Variants in PITPNM2 observed in about 807,000 individuals in gnomAD.
The protein encoded by PITPNM2 is membrane-associated phosphatidylinositol transfer protein 2.
A neutral mutation model predicts 132.2 loss-of-function variants in PITPNM2; 35 were observed. The ratio of observed to expected loss-of-function variants is 0.26; its 90% CI spans 0.20 to 0.35. The LOEUF (loss-of-function observed/expected upper bound fraction) is 0.35. PITPNM2 is among the 10% of genes least tolerant of loss of function. The pLI is 1.00. For missense variants in PITPNM2, 1,332 were observed against 1,912.0 expected (o/e 0.70, Z 5.66); for synonymous variants, 738 against 799.2 (o/e 0.92, Z 1.29).
chr12:123,125,613 G>C (rs111891416), intron 1 of PITPNM2, among the ~76,000 whole-genome samples: 473 of 151,944 alleles, frequency 3.1e-3, no homozygotes, highest in African/African-American at 0.01. Context: ...GGGAGGCCGA[G>C]GGGGGCGGAT....
At position 123,033,506 on chromosome 12, in the gene PITPNM2, C is replaced by T. The variant is rs2040163416; in HGVS notation, c.78+1007G>A. On this transcript the variant is annotated intron_variant, in intron 3 of 25. Transcript: ENST00000320201. ...TCCTAAGCAAGAGTCTCTGGCTCGT[C>T]AAAGGAGCCTGTCATCCTCAAACTC... Among the ~76,000 whole-genome samples the T allele has an allele frequency of 7.2e-5, 11 of 152,212 alleles. No homozygotes were observed. The South Asian group carries it at 2.3e-3, about 32-fold the overall frequency.
chr12:123,025,987 G>T (rs991806165), intron 3 of PITPNM2, among the ~76,000 whole-genome samples: 1 of 152,174 alleles, frequency 6.6e-6, no homozygotes, highest in African/African-American at 2.4e-5. Context: ...GCCAGGCCTT[G>T]AATTCAGACC....
intron 2 of PITPNM2, among the ~76,000 whole-genome samples, chr12:123,069,416 G>GCCC (rs1170757609): frequency 1.3e-5 from 2 of 152,170 alleles, no homozygotes; most frequent in Non-Finnish European, 2.9e-5. Context: ...AATCTCCCCT[G>GCCC]CAGACAGATG....
At position 122,996,554 on chromosome 12, in the gene PITPNM2, G is replaced by T. The variant is rs374549059; in HGVS notation, c.1686C>A (p.Val562=). 33 of 1,612,958 alleles carry T rather than the reference G, an allele frequency of 2.0e-5. No individual in the cohort carries two copies. Among genetic ancestry groups the T allele is most frequent in the Non-Finnish European group, 2.7e-5 (32 of 1,180,022 alleles). The change falls in exon 13 of 26, where the codon GTC becomes GTA. Residue 562 remains valine (V), a synonymous_variant. Coordinates refer to ENST00000320201, the MANE Select transcript of PITPNM2 (RefSeq NM_020845.3). ...GGGCATCAAATGCCAGGATGCCCCC[G>T]ACGCAGTCCCCAATCAGGCAGACCT... ...NGQVCLIGDC[V]GGILAFDALC...
At chr12:123,063,145 G>C (rs1271802245) in intron 2 of PITPNM2, among the ~76,000 whole-genome samples, 1 of 152,244 alleles carries the variant, frequency 6.6e-6, no homozygotes, top group Non-Finnish European at 1.5e-5. Flanking sequence ...GGCAAGGCCT[G>C]TGTTTCCAGG....
At chr12:123,010,914 G>C (rs900005426) in intron 5 of PITPNM2, among the ~76,000 whole-genome samples, 2 of 152,256 alleles carry the variant, frequency 1.3e-5, no homozygotes, top group Non-Finnish European at 2.9e-5. Context: ...CTGAGAGCAG[G>C]GGCAGATGCC....
At chr12:123,084,933 A>C (rs911236739) in intron 2 of PITPNM2, among the ~76,000 whole-genome samples, 3 of 151,334 alleles carry the variant, frequency 2.0e-5, no homozygotes, top group Non-Finnish European at 2.9e-5. Flanking sequence ...CATCCCACAC[A>C]CCCCCCTCCC....
In PITPNM2 at chr12:123,106,460, G is replaced by A. The variant is rs1215769898; in HGVS notation, c.-96+3925C>T. Among the ~76,000 whole-genome samples, 1 of 152,112 alleles carries A rather than the reference G, an allele frequency of 6.6e-6. No homozygotes were observed. Among genetic ancestry groups the A allele is most frequent in the Non-Finnish European group, 1.5e-5 (1 of 68,014 alleles). On this transcript the variant is annotated intron_variant, in intron 2 of 25. Transcript: ENST00000320201. The surrounding 1 kb of genome is among the most constrained non-coding windows in gnomAD (Gnocchi z 4.4). ...AAGTACATTCTCAGGAAGACATGCT[G>A]CATCAGAGCAAACAAGGCAAATGCA...
chr12:123,006,094 G>C (rs2038923353), intron 6 of PITPNM2: 1 of 152,174 alleles, frequency 6.6e-6, no homozygotes, highest in African/African-American at 2.4e-5. Flanking sequence ...CTGGGTAACA[G>C]AGTGGGACCC....
rs1593013653 is a variant in PITPNM2, at chr12:123,099,248, T to C, written c.-96+11137A>G. On this transcript the variant is annotated intron_variant, in intron 2 of 25. Transcript: ENST00000320201. The surrounding 1 kb of genome is among the most constrained non-coding windows in gnomAD (Gnocchi z 4.2). The stretch of plus-strand genomic sequence containing the variant: ...GTCGATTTTGCTGAAAAAAAAAATA[T>C]ATATCTTTTTTTTTAAAGAATGAAA... Among the ~76,000 whole-genome samples, 2 of 152,070 alleles carry C rather than the reference T, an allele frequency of 1.3e-5. No homozygotes were observed. The highest frequency in any genetic ancestry group is 3.9e-4 in the East Asian group (2 of 5,168).
intron 1 of PITPNM2, among the ~76,000 whole-genome samples, chr12:123,143,449 G>C (rs1055132524): frequency 6.6e-6 from 1 of 152,160 alleles, no homozygotes; most frequent in Non-Finnish European, 1.5e-5. Flanking sequence ...CTCTGCAGAG[G>C]AGAAACAGTA....
Position 123,086,113 on chromosome 12 carries a change from C to T in PITPNM2, c.-96+24272G>A, listed in dbSNP as rs151151782. On this transcript the variant is annotated intron_variant, in intron 2 of 25. Transcript: ENST00000320201. ...TCACAGGGAGGTCCTCTCTGACCAT[C>T]TACAGTTAGAAAAATACCGGGAAGG... 1.6e-4 allele frequency among the ~76,000 whole-genome samples: 24 copies of T among 152,346 alleles called. No homozygotes were observed. In the East Asian group the frequency reaches 4.6e-3, roughly 29 times the overall value.
At position 123,013,947 on chromosome 12, in the gene PITPNM2, G is replaced by A. The variant is rs946014465; in HGVS notation, c.174C>T (p.Tyr58=). 4.3e-6 allele frequency: 7 copies of A among 1,614,274 alleles called. No individual in the cohort carries two copies. The highest frequency in any genetic ancestry group is 5.9e-6 in the Non-Finnish European group (7 of 1,180,052). ...YTDGPGGSGQ[Y]THKVYHVGMH... is the part of the protein sequence containing the mutation. ...TGCCCACATGATACACCTTGTGTGT[G>A]TACTGCCCAGAGCCGCCTGGGCCAT... Residue 58 remains tyrosine, a synonymous_variant, in exon 4 of 26, where the codon TAC becomes TAT. Transcript: ENST00000320201.
Position 122,985,912 on chromosome 12 carries a change from G to T in PITPNM2, c.*115C>A. On this transcript the variant is annotated 3_prime_UTR_variant, in exon 26 of 26. Transcript: ENST00000320201. Reference sequence around the variant, plus strand: ...TGGTGCGGCCCGTGTCCTCCACAAGGCCCTGGGACAATCTCCCAGGCCCAC... The same window carrying T: ...TGGTGCGGCCCGTGTCCTCCACAAGTCCCTGGGACAATCTCCCAGGCCCAC... 10 of 1,013,650 alleles carry T rather than the reference G, an allele frequency of 9.9e-6. No homozygotes were observed. The highest frequency in any genetic ancestry group is 1.3e-5 in the Non-Finnish European group (10 of 756,756). 62.8% of individuals were successfully genotyped at this position (1,013,650 alleles called of 1,614,324 possible).
At position 123,005,499 on chromosome 12, in the gene PITPNM2, C is replaced by T. The variant is rs1251496823; in HGVS notation, c.693G>A (p.Gln231=). The T allele has an allele frequency of 6.2e-7, 1 of 1,613,910 alleles. No homozygotes were observed. The highest frequency in any genetic ancestry group is 1.7e-5 in the Admixed American group (1 of 60,024). ...CCATGCTCAGCCCATACCACTCGTC[C>T]TGCCAGCACCAGGCCTGCCGGTGAG... ...VRAHRQAWCW[Q]DEWYGLSMEN... The change falls in exon 7 of 26, where the codon CAG becomes CAA. Residue 231 remains glutamine, a synonymous_variant. Transcript: ENST00000320201. This position sits in a 1 kb window ranked among gnomAD's most constrained non-coding sequence, Gnocchi z 6.2.
At chr12:123,138,375 G>C (rs1319645511) in intron 1 of PITPNM2, among the ~76,000 whole-genome samples, 1 of 152,182 alleles carries the variant, frequency 6.6e-6, no homozygotes, top group Non-Finnish European at 1.5e-5. Context: ...TTGAGCCCAG[G>C]AGTTCGAGGC....
chr12:122,992,673 G>C lies in PITPNM2; in HGVS notation c.2234-4C>G. On this transcript the variant is annotated splice_polypyrimidine_tract_variant and splice_region_variant and intron_variant, in intron 15 of 25. Transcript: ENST00000320201. This position sits in a 1 kb window ranked among gnomAD's most constrained non-coding sequence, Gnocchi z 6.5. ...CAGGCCGGCCGCAGCTGGAAAACTG[G>C]GGGTGGGGGTGTTGGCTGCAGAGCT... 1 of 1,552,658 alleles carries C rather than the reference G, an allele frequency of 6.4e-7. No homozygotes were observed. The highest frequency in any genetic ancestry group is 1.9e-4 in the Middle Eastern group (1 of 5,384).
In PITPNM2 at chr12:123,004,427, C is replaced by T; in HGVS notation, c.1015G>A (p.Glu339Lys). 6.2e-7 allele frequency: 1 copy of T among 1,613,992 alleles called. No individual in the cohort carries two copies. Among genetic ancestry groups the T allele is most frequent in the Non-Finnish European group, 8.5e-7 (1 of 1,180,040 alleles). ...RMQSIARDSD[E>K]SSDDEFFDAH... ...TCGAAGAACTCATCATCTGAGCTCT[C>T]ATCCGAGTCCCTGGCAATACTCTGC... is the stretch of plus-strand genomic sequence containing the variant. Residue 339 changes from glutamate to lysine, a missense_variant, in exon 8 of 26, where the codon GAG becomes AAG. Transcript: ENST00000320201. The surrounding 1 kb of genome is among the most constrained non-coding windows in gnomAD (Gnocchi z 4.9).
At chr12:123,024,066 C>T (rs1450798896) in intron 3 of PITPNM2, among the ~76,000 whole-genome samples, 1 of 151,898 alleles carries the variant, frequency 6.6e-6, no homozygotes, top group Non-Finnish European at 1.5e-5. Context: ...TCAGCCTGAG[C>T]GACATAGCAA....
Sources: allele counts gnomAD v4.1 joint callset (sites outside exome capture counted in the v4.1 genomes callset), GRCh38; gene constraint gnomAD v4.1.1; non-coding constraint Gnocchi (gnomAD v3.1); transcripts MANE v1.5; gene names NCBI Gene and HGNC (gene_info 2026-07-23, HGNC 2026-07-21).